The following PLXDC2 variants were observed in gnomAD, a reference collection of about 807,000 sequenced individuals.
PLXDC2 encodes the protein plexin domain-containing protein 2.
PLXDC2 carries 40 observed loss-of-function variants against 68.9 expected under a neutral mutation model. The observed-to-expected ratio is 0.58, with a 90% CI of 0.45 to 0.76. The LOEUF is 0.76. PLXDC2 is among the 30% of genes least tolerant of loss of function. The pLI is 0.00. For missense variants in PLXDC2, 644 were observed against 661.9 expected, an observed-to-expected ratio of 0.97 and a Z score of 0.30; for synonymous variants, 243 against 234.2, an observed-to-expected ratio of 1.04 and a Z score of -0.34.
chr10:20,223,257 G>T (rs1835239338), intron 12 of PLXDC2, among the ~76,000 whole-genome samples: 1 of 151,532 alleles, frequency 6.6e-6, no homozygotes, highest in African/African-American at 2.4e-5. Flanking sequence ...TAGCCTTGAT[G>T]CAAATTCCAA....
intron 12 of PLXDC2, among the ~76,000 whole-genome samples, chr10:20,228,917 T>C (rs1446466136): frequency 6.6e-6 from 1 of 152,092 alleles, no homozygotes; most frequent in Non-Finnish European, 1.5e-5. Flanking sequence ...ATAAAGACAT[T>C]TGTTGATCTT....
At chr10:19,953,493 AC>A (rs1834023064) in intron 1 of PLXDC2, among the ~76,000 whole-genome samples, 1 of 152,206 alleles carries the variant, frequency 6.6e-6, no homozygotes, top group African/African-American at 2.4e-5. Flanking sequence ...CCGGGGTAAC[AC>A]CTTTTTGTTT....
intron 1 of PLXDC2, among the ~76,000 whole-genome samples, chr10:19,893,940 C>G (rs1346572764): frequency 6.6e-6 from 1 of 152,164 alleles, no homozygotes; most frequent in Non-Finnish European, 1.5e-5. Context: ...GGGGGTCAAC[C>G]ATGCTAACAG....
chr10:20,203,109 A>C (rs1221309115), intron 9 of PLXDC2, among the ~76,000 whole-genome samples: 3 of 152,082 alleles, frequency 2.0e-5, no homozygotes, highest in Non-Finnish European at 4.4e-5. Flanking sequence ...CAGACTCCCA[A>C]ACTGAAAACA....
chr10:19,829,748 A>G (rs967946072), intron 1 of PLXDC2, among the ~76,000 whole-genome samples: 22 of 152,136 alleles, frequency 1.4e-4, no homozygotes, highest in African/African-American at 5.3e-4. Flanking sequence ...ATTTAAAAAA[A>G]AAGTCAAAAT....
intron 4 of PLXDC2, among the ~76,000 whole-genome samples, chr10:20,078,266 C>T (rs1232975336): frequency 1.3e-5 from 2 of 151,920 alleles, no homozygotes; most frequent in African/African-American, 2.4e-5. Context: ...TTCTGTAGTC[C>T]CAGCTTCTCA....
intron 1 of PLXDC2, among the ~76,000 whole-genome samples, chr10:20,000,592 C>A (rs1283195366): frequency 1.3e-5 from 2 of 152,008 alleles, no homozygotes; most frequent in African/African-American, 2.4e-5. Context: ...CAAATAATAT[C>A]CTCTCTGTCT....
intron 2 of PLXDC2, among the ~76,000 whole-genome samples, chr10:20,044,601 C>T (rs1341678344): frequency 6.6e-6 from 1 of 151,900 alleles, no homozygotes. Context: ...TGAGCCACCG[C>T]GTCCAGCCTG....
intron 12 of PLXDC2, among the ~76,000 whole-genome samples, chr10:20,231,859 A>G (rs1279121903): frequency 1.3e-5 from 2 of 152,054 alleles, no homozygotes; most frequent in Admixed American, 1.3e-4. Flanking sequence ...CTACAAAAAA[A>G]TTAAAAAATT....
chr10:20,100,999 T>A (rs952597133), intron 4 of PLXDC2, among the ~76,000 whole-genome samples: 6 of 152,194 alleles, frequency 3.9e-5, no homozygotes, highest in Admixed American at 3.9e-4. Context: ...AATTTGAACT[T>A]GTTACTAAGA....
intron 1 of PLXDC2, among the ~76,000 whole-genome samples, chr10:19,926,732 C>G (rs190164991): frequency 6.6e-6 from 1 of 152,260 alleles, no homozygotes; most frequent in Admixed American, 6.5e-5. Context: ...GTATAGAAGA[C>G]TTCACTGTGA....
At position 20,280,162 on chromosome 10, in the gene PLXDC2, A is replaced by G; in HGVS notation, c.*343A>G. On this transcript the variant is annotated 3_prime_UTR_variant, in exon 14 of 14. Coordinates refer to ENST00000377252, the MANE Select transcript of PLXDC2 (RefSeq NM_032812.9). ...GCAAAGGGATCAGAAAAAAAAAATC[A>G]TAATAAAGCTTTAGTTCATGAGGGA... 1 of 192,442 alleles carries G rather than the reference A, an allele frequency of 5.2e-6. No homozygotes were observed. The highest frequency in any genetic ancestry group is 1.1e-5 in the Non-Finnish European group (1 of 94,406). 11.9% of individuals were successfully genotyped at this position (192,442 alleles called of 1,614,324 possible).
chr10:19,850,609 A>G (rs1837097839), intron 1 of PLXDC2, among the ~76,000 whole-genome samples: 1 of 152,192 alleles, frequency 6.6e-6, no homozygotes, highest in Non-Finnish European at 1.5e-5. Flanking sequence ...ACACACCCAT[A>G]CTAAGAGACT....
At chr10:20,145,649 A>G (rs1373631613) in intron 5 of PLXDC2, among the ~76,000 whole-genome samples, 3 of 152,112 alleles carry the variant, frequency 2.0e-5, no homozygotes, top group Non-Finnish European at 2.9e-5. Context: ...TCCCGGGTTC[A>G]TGCCATTCTC....
At chr10:19,902,184 A>ATT (rs56171519) in intron 1 of PLXDC2, among the ~76,000 whole-genome samples, 3 of 151,034 alleles carry the variant, frequency 2.0e-5, no homozygotes, top group Non-Finnish European at 4.4e-5. Flanking sequence ...GAATTTTAGG[A>ATT]TTTTTTTTTC....
At chr10:19,942,235 G>T (rs1461655938) in intron 1 of PLXDC2, among the ~76,000 whole-genome samples, 1 of 152,268 alleles carries the variant, frequency 6.6e-6, no homozygotes, top group East Asian at 1.9e-4. Context: ...TGTCCAGATG[G>T]TAAAAGCTGT....
intron 4 of PLXDC2, among the ~76,000 whole-genome samples, chr10:20,097,495 T>G (rs566448200): frequency 6.6e-6 from 1 of 152,374 alleles, no homozygotes; most frequent in African/African-American, 2.4e-5. Flanking sequence ...TCCCATTTCC[T>G]GAATGTAATC....
chr10:19,905,568 T>C (rs1256215618), intron 1 of PLXDC2, among the ~76,000 whole-genome samples: 1 of 151,952 alleles, frequency 6.6e-6, no homozygotes, highest in East Asian at 1.9e-4. Context: ...GCAGGACTGG[T>C]GATATTTTGC....
At chr10:20,083,118 G>C (rs1284112768) in intron 4 of PLXDC2, among the ~76,000 whole-genome samples, 1 of 152,122 alleles carries the variant, frequency 6.6e-6, no homozygotes, top group Non-Finnish European at 1.5e-5. Context: ...AGACTTGACA[G>C]ATGGCTGGAG....
Sources: allele counts gnomAD v4.1 joint callset (sites outside exome capture counted in the v4.1 genomes callset), GRCh38; gene constraint gnomAD v4.1.1; transcripts MANE v1.5; gene names NCBI Gene and HGNC (gene_info 2026-07-23, HGNC 2026-07-21).